The following FOXN3 variants were observed in gnomAD, a reference collection of about 807,000 sequenced individuals.
The protein encoded by FOXN3 is forkhead box protein N3.
FOXN3 carries 7 observed loss-of-function variants against 38.4 expected under a neutral mutation model. The ratio of observed to expected loss-of-function variants is 0.18; its 90% CI spans 0.10 to 0.34. The LOEUF (loss-of-function observed/expected upper bound fraction) is 0.34. FOXN3 is among the 10% of genes least tolerant of loss of function. The probability of loss-of-function intolerance (pLI) is 1.00; values close to 1 mark genes in which losing one functional copy is unlikely to be tolerated. For missense variants in FOXN3, 456 were observed against 613.4 expected (o/e 0.74, Z 2.71); for synonymous variants, 230 against 242.2 (o/e 0.95, Z 0.47).
At chr14:89,536,945 T>C (rs189631) in intron 1 of FOXN3, among the ~76,000 whole-genome samples, 125,575 of 152,122 alleles carry the variant, frequency 0.83, 52,152 homozygotes, top group African/African-American at 0.89. Context: ...TTCTTTATCA[T>C]GGCATGACCC....
At chr14:89,344,069 T>C (rs1031080704) in intron 3 of FOXN3, among the ~76,000 whole-genome samples, 2 of 152,144 alleles carry the variant, frequency 1.3e-5, no homozygotes, top group Admixed American at 1.3e-4. Flanking sequence ...GCCGAGAAAC[T>C]TTCTTGAAAT....
At chr14:89,506,411 A>T (rs1893938173) in intron 1 of FOXN3, among the ~76,000 whole-genome samples, 1 of 144,324 alleles carries the variant, frequency 6.9e-6, no homozygotes, top group African/African-American at 2.6e-5. Context: ...GGAAGTGAGG[A>T]GCCCCTCTGC....
At chr14:89,511,267 CTTTCTTTCTTT>C (rs1894083219) in intron 1 of FOXN3, among the ~76,000 whole-genome samples, 2 of 50,492 alleles carry the variant, frequency 4.0e-5, no homozygotes, top group African/African-American at 1.1e-4. Context: ...TTCTTTCTTT[CTTTCTTTCTTT>C]CTTTCTTTCT....
At chr14:89,532,634 T>A (rs1894592573) in intron 1 of FOXN3, among the ~76,000 whole-genome samples, 1 of 152,172 alleles carries the variant, frequency 6.6e-6, no homozygotes, top group African/African-American at 2.4e-5. Context: ...CAAAAATCTA[T>A]CAGTTGGGCA....
chr14:89,329,584 G>T (rs1009754123), intron 3 of FOXN3, among the ~76,000 whole-genome samples: 1 of 152,126 alleles, frequency 6.6e-6, no homozygotes, highest in African/African-American at 2.4e-5. Flanking sequence ...CCTGCCGGAC[G>T]CGGTGGCTCA....
chr14:89,387,510 T>C (rs1890825193), intron 2 of FOXN3, among the ~76,000 whole-genome samples: 1 of 152,194 alleles, frequency 6.6e-6, no homozygotes, highest in Non-Finnish European at 1.5e-5. Context: ...AGCTAGCAAG[T>C]CGTAAAACAA....
chr14:89,195,543 G>A (rs1195105000), intron 4 of FOXN3, among the ~76,000 whole-genome samples: 2 of 152,190 alleles, frequency 1.3e-5, no homozygotes, highest in African/African-American at 4.8e-5. Flanking sequence ...GGTGGACAGC[G>A]GGGGCTTCTG....
intron 1 of FOXN3, among the ~76,000 whole-genome samples, chr14:89,489,116 C>G (rs1462289653): frequency 6.6e-6 from 1 of 152,310 alleles, no homozygotes; most frequent in East Asian, 1.9e-4. Flanking sequence ...TCAGAATTGG[C>G]AGTCTCTGCT....
chr14:89,233,977 C>T (rs1472343005), intron 4 of FOXN3, among the ~76,000 whole-genome samples: 1 of 152,200 alleles, frequency 6.6e-6, no homozygotes, highest in Non-Finnish European at 1.5e-5. Context: ...TCCATCCTCC[C>T]CTCACCAGGT....
chr14:89,164,998 T>C lies in FOXN3; in HGVS notation c.852-2029A>G, dbSNP rs904516994. ...TTAGGCTGGGGGAGAGACTCCGTACTGTCGTGTCCACCAGCAAAATGTATG... is the reference window on the plus strand; with the variant it reads ...TTAGGCTGGGGGAGAGACTCCGTACCGTCGTGTCCACCAGCAAAATGTATG... On this transcript the variant is annotated intron_variant, in intron 5 of 5. Coordinates refer to ENST00000557258, the MANE Select transcript of FOXN3 (RefSeq NM_005197.4). This position sits in a 1 kb window ranked among gnomAD's most constrained non-coding sequence, Gnocchi z 4.3. Among the ~76,000 whole-genome samples, 3 of 152,198 alleles carry C rather than the reference T, an allele frequency of 2.0e-5. No individual in the cohort carries two copies. Among genetic ancestry groups the C allele is most frequent in the African/African-American group, 7.2e-5 (3 of 41,438 alleles).
chr14:89,326,197 C>T (rs1401388185), intron 3 of FOXN3, among the ~76,000 whole-genome samples: 1 of 152,160 alleles, frequency 6.6e-6, no homozygotes, highest in Admixed American at 6.5e-5. Flanking sequence ...GAGCACACAC[C>T]TTCTTTTATA....
chr14:89,360,698 TACCACCACCTCCAGCACTACCTCCACC>T lies in FOXN3; in HGVS notation c.544-9917_544-9891del, dbSNP rs1566966233. 2.2e-3 allele frequency among the ~76,000 whole-genome samples: 315 copies of T among 143,378 alleles called. 14 individuals are homozygous for T. Among genetic ancestry groups the T allele is most frequent in the African/African-American group, 6.3e-3 (242 of 38,432 alleles). The allele number at this position is 143,378 out of a possible 152,430, so 94.1% of individuals were successfully genotyped here. On this transcript the variant is annotated intron_variant, in intron 2 of 5. Coordinates refer to ENST00000557258, the MANE Select transcript of FOXN3 (RefSeq NM_005197.4). ...TGTTTCCACAAAACTCATCCTCAGC[TACCACCACCTCCAGCACTACCTCCACC>T]ACCACCACCTCCAGCACCACCTCCA...
At chr14:89,358,559 C>G (rs530410878) in intron 2 of FOXN3, among the ~76,000 whole-genome samples, 2 of 152,204 alleles carry the variant, frequency 1.3e-5, no homozygotes, top group Admixed American at 6.5e-5. Flanking sequence ...GCTCACTCCC[C>G]ACCCCGGGTC....
At chr14:89,414,326 C>T (rs925931755) in intron 1 of FOXN3, among the ~76,000 whole-genome samples, 3 of 151,614 alleles carry the variant, frequency 2.0e-5, no homozygotes, top group Non-Finnish European at 2.9e-5. Context: ...ATTAAAAAGG[C>T]AAAGACATGA....
chr14:89,367,395 G>A (rs558248490), intron 2 of FOXN3, among the ~76,000 whole-genome samples: 19 of 152,300 alleles, frequency 1.2e-4, no homozygotes, highest in African/African-American at 2.2e-4. Context: ...AGATAAATCC[G>A]AAACCATCTC....
rs929519838 is a variant in FOXN3 at position 89,412,989 on chromosome 14, G to C, written c.-14-499C>G. On this transcript the variant is annotated intron_variant, in intron 1 of 5. Coordinates refer to ENST00000557258, the MANE Select transcript of FOXN3 (RefSeq NM_005197.4). This position sits in a 1 kb window ranked among gnomAD's most constrained non-coding sequence, Gnocchi z 4.7. ...AAAAAAGTCAGGAGAGCAACTGCCAGTTTCAAGACAGCAAATTCAATTCAA... is the reference window on the plus strand; with the variant it reads ...AAAAAAGTCAGGAGAGCAACTGCCACTTTCAAGACAGCAAATTCAATTCAA... Among the ~76,000 whole-genome samples, 1 of 152,204 alleles carries C rather than the reference G, an allele frequency of 6.6e-6. No homozygotes were observed. The highest frequency in any genetic ancestry group is 2.4e-5 in the African/African-American group (1 of 41,454).
intron 4 of FOXN3, among the ~76,000 whole-genome samples, chr14:89,219,493 G>A (rs1301511332): frequency 6.6e-6 from 1 of 152,196 alleles, no homozygotes. Flanking sequence ...GTGTTCCCAT[G>A]AATGTCAGCC....
intron 3 of FOXN3, among the ~76,000 whole-genome samples, chr14:89,315,297 T>C (rs1387435189): frequency 1.3e-5 from 2 of 152,134 alleles, no homozygotes; most frequent in African/African-American, 4.8e-5. Context: ...AGCAATATCT[T>C]GATGAGATAG....
At chr14:89,482,219 G>A (rs1383182035) in intron 1 of FOXN3, among the ~76,000 whole-genome samples, 1 of 152,172 alleles carries the variant, frequency 6.6e-6, no homozygotes, top group African/African-American at 2.4e-5. Context: ...AGCAGTGGGG[G>A]ACAGTATCCC....
Sources: allele counts gnomAD v4.1 joint callset (sites outside exome capture counted in the v4.1 genomes callset), GRCh38; gene constraint gnomAD v4.1.1; non-coding constraint Gnocchi (gnomAD v3.1); transcripts MANE v1.5; gene names NCBI Gene and HGNC (gene_info 2026-07-23, HGNC 2026-07-21).